NAV3: variants seen among roughly 807,000 people sequenced by gnomAD.
The protein encoded by NAV3 is neuron navigator 3, also known as pore membrane and/or filament interacting like protein 1.
Under a neutral mutation model 244.7 loss-of-function variants are expected in NAV3, and 87 were observed. The ratio of observed to expected loss-of-function variants is 0.36; its 90% CI spans 0.30 to 0.42. The LOEUF (loss-of-function observed/expected upper bound fraction) is 0.42. Ranked by LOEUF, NAV3 falls within the 20% of genes least tolerant of loss-of-function variation. The probability of loss-of-function intolerance (pLI) is 1.00; values close to 1 mark genes in which losing one functional copy is unlikely to be tolerated. For missense variants in NAV3, 2,663 were observed against 2,893.3 expected (o/e 0.92, Z 1.83); for synonymous variants, 1,126 against 1,042.2 (o/e 1.08, Z -1.55).
At chr12:77,980,082 A>G (rs534709420) in intron 5 of NAV3, among the ~76,000 whole-genome samples, 2 of 152,274 alleles carry the variant, frequency 1.3e-5, no homozygotes, top group East Asian at 3.9e-4. Flanking sequence ...CAATCATGAC[A>G]GATGAGGGGC....
At chr12:77,824,935 A>C (rs959185527) in intron 2 of NAV3, among the ~76,000 whole-genome samples, 3 of 152,096 alleles carry the variant, frequency 2.0e-5, no homozygotes, top group African/African-American at 7.2e-5. Context: ...AAAGAAAATC[A>C]AATAGCTAAA....
chr12:77,644,536 T>A (rs570915992), intron 2 of NAV3, among the ~76,000 whole-genome samples: 2 of 152,016 alleles, frequency 1.3e-5, no homozygotes, highest in Non-Finnish European at 2.9e-5. Flanking sequence ...AATATATATG[T>A]ACATACACAG....
At chr12:77,758,332 CAG>C (rs1460737908) in intron 2 of NAV3, among the ~76,000 whole-genome samples, 1 of 151,916 alleles carries the variant, frequency 6.6e-6, no homozygotes, top group African/African-American at 2.4e-5. Flanking sequence ...GAAAAAAAAA[CAG>C]AGACTATTTT....
At chr12:77,731,069 A>G (rs1005096652) in intron 2 of NAV3, among the ~76,000 whole-genome samples, 2 of 151,984 alleles carry the variant, frequency 1.3e-5, no homozygotes, top group Non-Finnish European at 2.9e-5. Flanking sequence ...TTCCACTCAT[A>G]CAACTTGTGG....
chr12:77,653,958 G>A (rs1337086194), intron 2 of NAV3, among the ~76,000 whole-genome samples: 1 of 67,316 alleles, frequency 1.5e-5, no homozygotes, highest in African/African-American at 5.5e-5. Context: ...AAGAATATGA[G>A]ATAGTTGGGG....
chr12:78,154,484 TG>T (rs1167485443), intron 22 of NAV3, among the ~76,000 whole-genome samples: 13 of 150,990 alleles, frequency 8.6e-5, no homozygotes, highest in African/African-American at 3.2e-4. Flanking sequence ...CATCTTGTTG[TG>T]TGGCATCATA....
At chr12:77,678,557 C>G (rs1874310152) in intron 2 of NAV3, among the ~76,000 whole-genome samples, 1 of 152,168 alleles carries the variant, frequency 6.6e-6, no homozygotes, top group African/African-American at 2.4e-5. Context: ...ACTTCCTTTA[C>G]AGGAATTTCC....
chr12:77,879,655 T>C (rs1882357773), intron 1 of NAV3, among the ~76,000 whole-genome samples: 1 of 123,440 alleles, frequency 8.1e-6, no homozygotes, highest in Admixed American at 1.0e-4. Flanking sequence ...CACTATAGCC[T>C]TGGCGAAAGA....
chr12:77,721,809 G>A (rs553738275), intron 2 of NAV3, among the ~76,000 whole-genome samples: 10 of 152,148 alleles, frequency 6.6e-5, no homozygotes, highest in South Asian at 2.1e-4. Flanking sequence ...TGGCCCTTAC[G>A]TAATTTGTGG....
At chr12:77,586,840 A>T (rs1225110617) in intron 2 of NAV3, among the ~76,000 whole-genome samples, 3 of 152,196 alleles carry the variant, frequency 2.0e-5, no homozygotes, top group African/African-American at 4.8e-5. Context: ...GAACATTTTC[A>T]TCCGTGCGGA....
intron 2 of NAV3, among the ~76,000 whole-genome samples, chr12:77,737,194 C>A (rs945295966): frequency 6.8e-6 from 1 of 147,780 alleles, no homozygotes; most frequent in Non-Finnish European, 1.5e-5. Flanking sequence ...ATGTAGGAGT[C>A]AGATGGTTAT....
At chr12:77,859,617 A>ATT (rs1555217230) in intron 1 of NAV3, among the ~76,000 whole-genome samples, 2 of 79,970 alleles carry the variant, frequency 2.5e-5, no homozygotes, top group African/African-American at 6.6e-5. Context: ...TTAAAGTGTA[A>ATT]TAAAAAAAAA....
chr12:77,763,080 T>G (rs1869567336), intron 2 of NAV3, among the ~76,000 whole-genome samples: 1 of 152,228 alleles, frequency 6.6e-6, no homozygotes, highest in African/African-American at 2.4e-5. Context: ...TTTTGTGCTG[T>G]AATATCTGCC....
At chr12:77,610,441 A>G (rs1231754802) in intron 2 of NAV3, among the ~76,000 whole-genome samples, 1 of 152,116 alleles carries the variant, frequency 6.6e-6, no homozygotes, top group Non-Finnish European at 1.5e-5. Context: ...GCAAATAAAT[A>G]GAAAGCAGCT....
intron 9 of NAV3, among the ~76,000 whole-genome samples, chr12:78,026,831 A>C (rs1200483289): frequency 6.6e-6 from 1 of 152,182 alleles, no homozygotes; most frequent in African/African-American, 2.4e-5. Context: ...AATATAATGG[A>C]TGTAGCATTA....
chr12:77,826,305 C>T (rs940545353), upstream of NAV3, among the ~76,000 whole-genome samples: 5 of 152,048 alleles, frequency 3.3e-5, no homozygotes, highest in African/African-American at 1.2e-4. Context: ...GTCAGGAGTT[C>T]GAGACCAGCC....
chr12:77,713,181 G>C (rs1876203633), intron 2 of NAV3, among the ~76,000 whole-genome samples: 1 of 152,158 alleles, frequency 6.6e-6, no homozygotes, highest in Admixed American at 6.5e-5. Flanking sequence ...CATTTATTTA[G>C]GTGTGAAAAA....
Position 77,965,257 on chromosome 12 carries a change from TA to T in NAV3, c.415-971del, listed in dbSNP as rs1182739902. Among the ~76,000 whole-genome samples the T allele has an allele frequency of 2.0e-5, 3 of 152,330 alleles. No homozygotes were observed. In the East Asian group the frequency reaches 5.8e-4, roughly 29 times the overall value. On this transcript the variant is annotated intron_variant, in intron 3 of 39. Coordinates refer to ENST00000397909, the MANE Select transcript of NAV3 (RefSeq NM_001024383.2). Reference sequence around the variant, plus strand: ...CTATATAATGTCATGATCAAATTTTTATTTTTTTATTTTTTTGCTTTTCACC... The same window carrying T: ...CTATATAATGTCATGATCAAATTTTTTTTTTTTATTTTTTTGCTTTTCACC...
intron 2 of NAV3, among the ~76,000 whole-genome samples, chr12:77,799,172 T>C (rs186273213): frequency 2.6e-5 from 4 of 152,330 alleles, no homozygotes; most frequent in Admixed American, 2.0e-4. Flanking sequence ...TAGTATTTGC[T>C]GATTTTCTAT....
Sources: gnomAD v4.1 joint callset for allele counts (sites outside exome capture counted in the v4.1 genomes callset) on GRCh38, gnomAD v4.1.1 for gene constraint, MANE v1.5 for transcripts, NCBI Gene and HGNC (gene_info 2026-07-23, HGNC 2026-07-21) for gene names.